ZBTB20: variants seen among roughly 807,000 people sequenced by gnomAD.
The protein encoded by ZBTB20 is zinc finger and BTB domain-containing protein 20.
In ZBTB20, 9 loss-of-function variants were observed where a neutral mutation model predicts 56.9. That is an observed-to-expected ratio of 0.16 (90% CI 0.10 to 0.28). The LOEUF is 0.28. Among genes scored for constraint, ZBTB20 ranks in the 10% least tolerant of loss-of-function variants. ZBTB20 has a pLI of 1.00. For missense variants in ZBTB20, 655 were observed against 1,003.0 expected, an observed-to-expected ratio of 0.65 and a Z score of 4.69; for synonymous variants, 417 against 420.7, an observed-to-expected ratio of 0.99 and a Z score of 0.11.
rs1252066439 is a variant in ZBTB20 at position 114,557,254 on chromosome 3, C to A, written c.-294-56863G>T. On this transcript the variant is annotated intron_variant, in intron 6 of 11. Transcript: ENST00000675478. ...AAATTTAGATAGGATAATTTATATT[C>A]TTTTCCCCAGAGAAAAGACAGTTTG... is the stretch of plus-strand genomic sequence containing the variant. Among the ~76,000 whole-genome samples, 3 of 151,846 alleles carry A rather than the reference C, an allele frequency of 2.0e-5. No individual in the cohort carries two copies. The East Asian group carries it at 5.8e-4, about 29-fold the overall frequency.
chr3:114,552,436 T>TA (rs1334698568), intron 6 of ZBTB20, among the ~76,000 whole-genome samples: 1 of 151,664 alleles, frequency 6.6e-6, no homozygotes, highest in Non-Finnish European at 1.5e-5. Flanking sequence ...CTGTTTTTTT[T>TA]TTTTTCCACT....
At chr3:114,685,761 T>C (rs1222451680) in intron 6 of ZBTB20, among the ~76,000 whole-genome samples, 1 of 152,160 alleles carries the variant, frequency 6.6e-6, no homozygotes, top group Admixed American at 6.5e-5. Context: ...GCTCTGTCAG[T>C]AGTGAGACCA....
intron 2 of ZBTB20, among the ~76,000 whole-genome samples, chr3:115,011,945 T>C (rs1010339975): frequency 4.0e-5 from 6 of 151,876 alleles, no homozygotes; most frequent in Non-Finnish European, 7.4e-5. Flanking sequence ...CTTAGTTTTC[T>C]ATTTGCCTGT....
intron 7 of ZBTB20, among the ~76,000 whole-genome samples, chr3:114,442,236 C>T (rs2090977312): frequency 6.6e-6 from 1 of 152,136 alleles, no homozygotes; most frequent in Non-Finnish European, 1.5e-5. Flanking sequence ...GACTCAGGCA[C>T]TCTTCTCTTC....
intron 1 of ZBTB20, among the ~76,000 whole-genome samples, chr3:115,131,212 T>C (rs1384322272): frequency 6.6e-6 from 1 of 152,162 alleles, no homozygotes; most frequent in Non-Finnish European, 1.5e-5. Flanking sequence ...TCATAAATAG[T>C]TATCCATTTT....
chr3:114,941,462 A>G (rs965678619), intron 3 of ZBTB20, among the ~76,000 whole-genome samples: 1 of 146,260 alleles, frequency 6.8e-6, no homozygotes, highest in Non-Finnish European at 1.5e-5. Context: ...ATTCTGTTAA[A>G]ACACACTTAG....
At chr3:115,135,787 T>C (rs1341054938) in intron 1 of ZBTB20, among the ~76,000 whole-genome samples, 1 of 152,166 alleles carries the variant, frequency 6.6e-6, no homozygotes, top group East Asian at 1.9e-4. Flanking sequence ...AATTATATTA[T>C]ATTATCACTA....
chr3:114,453,661 A>G (rs1385778054), intron 7 of ZBTB20: 1 of 152,140 alleles, frequency 6.6e-6, no homozygotes. Flanking sequence ...AAAAAATAGC[A>G]TAAAGTGAGC....
At chr3:115,033,910 A>G (rs1451887610) in intron 2 of ZBTB20, among the ~76,000 whole-genome samples, 7 of 151,826 alleles carry the variant, frequency 4.6e-5, no homozygotes, top group African/African-American at 1.7e-4. Context: ...CCCTATGACC[A>G]AGTAGGATTT....
intron 4 of ZBTB20, among the ~76,000 whole-genome samples, chr3:114,832,585 T>C (rs2073911142): frequency 1.3e-5 from 2 of 152,158 alleles, no homozygotes; most frequent in Admixed American, 1.3e-4. Flanking sequence ...CACAATGCAT[T>C]ATTCTATAAA....
At position 114,383,335 on chromosome 3, in the gene ZBTB20, T is replaced by C. The variant is rs150388573; in HGVS notation, c.-153-2395A>G. Among the ~76,000 whole-genome samples the C allele has an allele frequency of 1.2e-4, 18 of 152,370 alleles. No homozygotes were observed. The East Asian group carries it at 3.5e-3, about 29-fold the overall frequency. On this transcript the variant is annotated intron_variant, in intron 8 of 11. Coordinates refer to ENST00000675478, the MANE Select transcript of ZBTB20 (RefSeq NM_001348800.3). ...CTTCAGAAAATTAAGAAAGCTTTCT[T>C]TCAAACATAAGGACATAGCAAAACC... is the stretch of plus-strand genomic sequence containing the variant.
chr3:114,444,662 G>T (rs1486934005), intron 7 of ZBTB20, among the ~76,000 whole-genome samples: 1 of 151,990 alleles, frequency 6.6e-6, no homozygotes, highest in East Asian at 1.9e-4. Context: ...TTTCTTATTG[G>T]CAAAATGAGT....
At chr3:114,376,572 G>A (rs2083659199) in intron 10 of ZBTB20, among the ~76,000 whole-genome samples, 1 of 152,190 alleles carries the variant, frequency 6.6e-6, no homozygotes, top group Admixed American at 6.5e-5. Context: ...CAAGGAAGGT[G>A]GATGGCAAGA....
intron 7 of ZBTB20, among the ~76,000 whole-genome samples, chr3:114,446,379 C>T (rs1024396508): frequency 6.6e-6 from 1 of 151,984 alleles, no homozygotes; most frequent in African/African-American, 2.4e-5. Context: ...CTCATCATGC[C>T]AGAAATGGGT....
intron 5 of ZBTB20, among the ~76,000 whole-genome samples, chr3:114,779,060 A>AG (rs1184097262): frequency 6.6e-6 from 1 of 152,120 alleles, no homozygotes; most frequent in Non-Finnish European, 1.5e-5. Context: ...TAATAATACC[A>AG]GGGGGACTCA....
At chr3:114,568,792 A>G (rs1033464157) in intron 6 of ZBTB20, among the ~76,000 whole-genome samples, 2 of 152,262 alleles carry the variant, frequency 1.3e-5, no homozygotes, top group Non-Finnish European at 2.9e-5. Context: ...TTACAATGAT[A>G]GTAGTAAGTA....
At position 114,323,702 on chromosome 3, in the gene ZBTB20, T is replaced by C. The variant is rs2078973250; in HGVS notation, c.*15303A>G. The C allele has an allele frequency of 6.6e-6, 1 of 152,210 alleles. No individual in the cohort carries two copies. Among genetic ancestry groups the C allele is most frequent in the Non-Finnish European group, 1.5e-5 (1 of 68,044 alleles). 9.4% of individuals were successfully genotyped at this position (152,210 alleles called of 1,614,324 possible). On this transcript the variant is annotated 3_prime_UTR_variant, in exon 12 of 12. Coordinates refer to ENST00000675478, the MANE Select transcript of ZBTB20 (RefSeq NM_001348800.3). ...TTTTCTTAAATGTTCTTAATTGCTG[T>C]ACTAACTCAGCTTCTTTACAGTAAG...
chr3:114,491,257 C>A (rs1250844269), intron 7 of ZBTB20, among the ~76,000 whole-genome samples: 1 of 152,176 alleles, frequency 6.6e-6, no homozygotes, highest in Non-Finnish European at 1.5e-5. Flanking sequence ...CCTTGGTCCC[C>A]AAACTGCTGG....
chr3:114,787,364 TATATACACAC>T (rs2070598733), intron 5 of ZBTB20, among the ~76,000 whole-genome samples: 1 of 99,582 alleles, frequency 1.0e-5, no homozygotes, highest in African/African-American at 5.5e-5. Flanking sequence ...TATATATATA[TATATACACAC>T]ACACACACAC....
Sources: gnomAD v4.1 joint callset for allele counts (sites outside exome capture counted in the v4.1 genomes callset) on GRCh38, gnomAD v4.1.1 for gene constraint, MANE v1.5 for transcripts, NCBI Gene and HGNC (gene_info 2026-07-23, HGNC 2026-07-21) for gene names.